The following MKLN1 variants were observed in gnomAD, a reference collection of about 807,000 sequenced individuals.
MKLN1 encodes muskelin 1, also known as muskelin.
In MKLN1, 18 loss-of-function variants were observed where a neutral mutation model predicts 99.0. That is an observed-to-expected ratio of 0.18 (90% CI 0.13 to 0.27). The LOEUF (loss-of-function observed/expected upper bound fraction) is 0.27. Ranked by LOEUF, MKLN1 falls within the 10% of genes least tolerant of loss-of-function variation. MKLN1 has a pLI of 1.00. For missense variants in MKLN1, 621 were observed against 875.9 expected, an observed-to-expected ratio of 0.71 and a Z score of 3.67; for synonymous variants, 288 against 293.2, an observed-to-expected ratio of 0.98 and a Z score of 0.18.
intron 3 of MKLN1, among the ~76,000 whole-genome samples, chr7:131,257,167 G>A (rs1056484486): frequency 8.5e-5 from 13 of 152,086 alleles, no homozygotes; most frequent in Admixed American, 5.2e-4. Context: ...CAGCACAATC[G>A]ATACTCTTCT....
intron 1 of MKLN1, among the ~76,000 whole-genome samples, chr7:131,337,024 C>T (rs991467682): frequency 6.6e-5 from 10 of 152,136 alleles, no homozygotes; most frequent in Non-Finnish European, 1.2e-4. Context: ...TCTTGAAGCA[C>T]TTTAAAGATC....
intron 1 of MKLN1, among the ~76,000 whole-genome samples, chr7:131,132,317 G>A (rs181984994): frequency 5.3e-5 from 8 of 152,308 alleles, no homozygotes; most frequent in Non-Finnish European, 5.9e-5. Context: ...GTTTCTAACT[G>A]CTTATACCAG....
chr7:131,432,668 G>A (rs1189604966), intron 9 of MKLN1, among the ~76,000 whole-genome samples: 1 of 152,102 alleles, frequency 6.6e-6, no homozygotes, highest in Non-Finnish European at 1.5e-5. Flanking sequence ...GGATGGTCTC[G>A]ATCTCTTGAC....
intron 3 of MKLN1, among the ~76,000 whole-genome samples, chr7:131,308,888 G>C (rs988289277): frequency 2.0e-5 from 3 of 152,094 alleles, no homozygotes; most frequent in Non-Finnish European, 4.4e-5. Context: ...CCCAACCTAG[G>C]TAGTTCCTTA....
intron 17 of MKLN1, among the ~76,000 whole-genome samples, chr7:131,484,921 C>T (rs1797231964): frequency 6.6e-6 from 1 of 151,798 alleles, no homozygotes; most frequent in Non-Finnish European, 1.5e-5. Context: ...GAAGAATCCT[C>T]TGGGGCTTTA....
chr7:131,261,809 T>C (rs1176906047), intron 3 of MKLN1, among the ~76,000 whole-genome samples: 4 of 152,212 alleles, frequency 2.6e-5, no homozygotes, highest in African/African-American at 9.6e-5. Flanking sequence ...TGGAATACTA[T>C]GCAGCCATAA....
intron 3 of MKLN1, among the ~76,000 whole-genome samples, chr7:131,244,824 G>A (rs1401548715): frequency 2.6e-5 from 4 of 151,754 alleles, no homozygotes; most frequent in Non-Finnish European, 2.9e-5. Flanking sequence ...CTCTTCATCC[G>A]CCCCTCCTCT....
rs144655857 is a variant in MKLN1 at position 131,274,486 on chromosome 7, T to C, written c.-179+71512T>C. ...GGCGAAACCCCATCTCTACAAAAAA[T>C]ACAAAAATTAGCTGAGTGTGGTGTC... On this transcript the variant is annotated intron_variant, in intron 3 of 7. Transcript: ENST00000416992. Among the ~76,000 whole-genome samples the C allele has an allele frequency of 2.4e-3, 365 of 151,526 alleles. 3 individuals are homozygous for C. Among genetic ancestry groups the C allele is most frequent in the African/African-American group, 8.5e-3 (353 of 41,316 alleles).
intron 3 of MKLN1, among the ~76,000 whole-genome samples, chr7:131,234,591 A>G (rs7800081): frequency 0.75 from 113,397 of 152,042 alleles, 42,788 homozygotes; most frequent in South Asian, 0.83. Flanking sequence ...AAAGAGAAAA[A>G]ATGATGTGTG....
intron 16 of MKLN1, among the ~76,000 whole-genome samples, chr7:131,476,351 A>C (rs761636894): frequency 1.3e-5 from 2 of 152,188 alleles, no homozygotes; most frequent in Non-Finnish European, 2.9e-5. Context: ...GGAGAAAGTA[A>C]ATTTGTTTGC....
chr7:131,208,850 C>T (rs923663059), intron 3 of MKLN1, among the ~76,000 whole-genome samples: 2 of 152,012 alleles, frequency 1.3e-5, no homozygotes, highest in Non-Finnish European at 1.5e-5. Flanking sequence ...CTTTTCATTA[C>T]GTGATACATA....
chr7:131,338,466 T>C (rs1213082843), intron 1 of MKLN1, among the ~76,000 whole-genome samples: 1 of 152,242 alleles, frequency 6.6e-6, no homozygotes, highest in Non-Finnish European at 1.5e-5. Context: ...GAATGTCAGA[T>C]ACCCTTCAGT....
chr7:131,222,836 G>A lies in MKLN1; in HGVS notation c.-179+19862G>A, dbSNP rs930227533. ...GTTCAAGACCAGCCTGGCCAACATG[G>A]TAAAATCCTCTTTGCTAAAAATACA... On this transcript the variant is annotated intron_variant, in intron 3 of 7. Coordinates refer to the MKLN1 transcript ENST00000416992. Among the ~76,000 whole-genome samples the A allele has an allele frequency of 9.9e-5, 14 of 141,798 alleles. 1 individual carries two copies. The highest frequency in any genetic ancestry group is 4.4e-4 in the South Asian group (2 of 4,504). The allele number at this position is 141,798 out of a possible 152,430, so 93.0% of individuals were successfully genotyped here.
At chr7:131,141,426 T>C (rs971140111) in intron 1 of MKLN1, among the ~76,000 whole-genome samples, 2 of 152,192 alleles carry the variant, frequency 1.3e-5, no homozygotes, top group African/African-American at 4.8e-5. Flanking sequence ...GTCCGGACTT[T>C]GCCCTCTTCA....
chr7:131,416,700 A>G (rs1270848024), intron 8 of MKLN1, among the ~76,000 whole-genome samples: 1 of 152,010 alleles, frequency 6.6e-6, no homozygotes, highest in Non-Finnish European at 1.5e-5. Context: ...TATTTCAGCT[A>G]GGCACAGTGA....
intron 2 of MKLN1, among the ~76,000 whole-genome samples, chr7:131,172,300 C>G (rs1460228544): frequency 2.0e-5 from 3 of 147,420 alleles, no homozygotes; most frequent in Admixed American, 6.9e-5. Context: ...GCCACAACAC[C>G]AGGCTAATTT....
At chr7:131,249,592 A>G (rs1797546263) in intron 3 of MKLN1, among the ~76,000 whole-genome samples, 1 of 152,186 alleles carries the variant, frequency 6.6e-6, no homozygotes, top group African/African-American at 2.4e-5. Flanking sequence ...CAATGGGGAC[A>G]AGCACAGGAA....
intron 9 of MKLN1, among the ~76,000 whole-genome samples, chr7:131,436,700 C>T (rs1795684394): frequency 6.6e-6 from 1 of 152,060 alleles, no homozygotes; most frequent in Non-Finnish European, 1.5e-5. Flanking sequence ...CATTAGTTTC[C>T]TTTCCTTTCC....
At chr7:131,431,005 T>C (rs1248590633) in intron 9 of MKLN1, among the ~76,000 whole-genome samples, 3 of 152,136 alleles carry the variant, frequency 2.0e-5, no homozygotes, top group Non-Finnish European at 4.4e-5. Flanking sequence ...GCAGATCACC[T>C]GAGCTCAGTA....
Sources: gnomAD v4.1 joint callset for allele counts (sites outside exome capture counted in the v4.1 genomes callset) on GRCh38, gnomAD v4.1.1 for gene constraint, MANE v1.5 for transcripts, NCBI Gene and HGNC (gene_info 2026-07-23, HGNC 2026-07-21) for gene names.